Variants in USP15 observed in about 807,000 individuals in gnomAD.
The protein encoded by USP15 is ubiquitin carboxyl-terminal hydrolase 15.
USP15 carries 18 observed loss-of-function variants against 127.1 expected under a neutral mutation model. The observed-to-expected ratio is 0.14, with a 90% CI of 0.10 to 0.21. The LOEUF (loss-of-function observed/expected upper bound fraction) is 0.21, where lower values mean the gene tolerates loss of function less well. Ranked by LOEUF, USP15 falls within the 10% of genes least tolerant of loss-of-function variation. USP15 has a pLI of 1.00. For synonymous variants in USP15, 364 were observed against 393.7 expected (o/e 0.92, Z 0.89); for missense variants, 805 against 1,159.9 (o/e 0.69, Z 4.44).
intron 11 of USP15, among the ~76,000 whole-genome samples, chr12:62,389,133 C>CA (rs1323864981): frequency 6.6e-6 from 1 of 151,842 alleles, no homozygotes; most frequent in African/African-American, 2.4e-5. Context: ...TGTCTCTAAA[C>CA]AACAAACAAA....
chr12:62,317,335 G>T (rs1243380774), intron 4 of USP15, among the ~76,000 whole-genome samples: 3 of 152,104 alleles, frequency 2.0e-5, no homozygotes, highest in African/African-American at 7.2e-5. Flanking sequence ...AAACAAGCAG[G>T]TATCTTCCTC....
chr12:62,358,488 G>A (rs1367631376), intron 8 of USP15, among the ~76,000 whole-genome samples: 1 of 152,158 alleles, frequency 6.6e-6, no homozygotes, highest in East Asian at 1.9e-4. Flanking sequence ...GCCAAGGCGA[G>A]TGGATCACCT....
In USP15 at chr12:62,271,227, A is replaced by C. The variant is rs188140974; in HGVS notation, c.89+10724A>C. On this transcript the variant is annotated intron_variant, in intron 1 of 21. Transcript: ENST00000280377. Reference sequence around the variant, plus strand: ...AAAAAATCGTCACATCATACCCTTTAAATAATGCTTTAAAACATTCAAAAT... The same window carrying C: ...AAAAAATCGTCACATCATACCCTTTCAATAATGCTTTAAAACATTCAAAAT... Among the ~76,000 whole-genome samples, 346 of 152,220 alleles carry C rather than the reference A, an allele frequency of 2.3e-3. 3 individuals are homozygous for C. The highest frequency in any genetic ancestry group is 1.4e-3 in the Non-Finnish European group (93 of 67,952).
intron 2 of USP15, among the ~76,000 whole-genome samples, chr12:62,300,221 G>A (rs2064267365): frequency 6.6e-6 from 1 of 151,962 alleles, no homozygotes; most frequent in East Asian, 1.9e-4. Flanking sequence ...TGAAACCAAG[G>A]TTGCAAAGAT....
chr12:62,377,709 AAAGT>A (rs1305036561), intron 8 of USP15, among the ~76,000 whole-genome samples: 1 of 152,000 alleles, frequency 6.6e-6, no homozygotes, highest in Non-Finnish European at 1.5e-5. Flanking sequence ...CCTGGACAAC[AAAGT>A]GAGATTCCAT....
Position 62,404,421 on chromosome 12 carries a change from A to G in USP15, c.*46A>G. 1 of 1,484,114 alleles carries G rather than the reference A, an allele frequency of 6.7e-7. No homozygotes were observed. The highest frequency in any genetic ancestry group is 9.0e-7 in the Non-Finnish European group (1 of 1,113,644). The allele number at this position is 1,484,114 out of a possible 1,614,324, so 91.9% of individuals were successfully genotyped here. A position where few individuals can be genotyped will look rare whatever the true frequency, so the allele number is the denominator to read the frequency against. On this transcript the variant is annotated 3_prime_UTR_variant, in exon 22 of 22. Coordinates refer to ENST00000280377, the MANE Select transcript of USP15 (RefSeq NM_001252078.2). ...AAAGAGACACTTTCCTGCTGGTGGT[A>G]TCTATGGAAATGATGAAGTTACCCA... is the stretch of plus-strand genomic sequence containing the variant.
intron 8 of USP15, among the ~76,000 whole-genome samples, chr12:62,379,283 C>T (rs2066918769): frequency 1.3e-5 from 2 of 150,394 alleles, no homozygotes; most frequent in African/African-American, 4.9e-5. Flanking sequence ...GGAGGAATGA[C>T]TAATTAAATA....
chr12:62,394,587 C>T (rs902960648), intron 19 of USP15, among the ~76,000 whole-genome samples: 3 of 152,098 alleles, frequency 2.0e-5, no homozygotes, highest in Non-Finnish European at 4.4e-5. Flanking sequence ...CAGTGGCTCA[C>T]GCCTGTAATC....
rs1706739498 is a variant in USP15 at position 62,393,044 on chromosome 12, T to C, written c.2421-9T>C. ...CTATCAAGTGTTAAATACTTCTGTTTATTCTTAGGTATTGTCCGAATTGTA... is the reference window on the plus strand; with the variant it reads ...CTATCAAGTGTTAAATACTTCTGTTCATTCTTAGGTATTGTCCGAATTGTA... On this transcript the variant is annotated splice_polypyrimidine_tract_variant and intron_variant, in intron 18 of 21. Transcript: ENST00000280377. 6.2e-7 allele frequency: 1 copy of C among 1,612,824 alleles called. No individual in the cohort carries two copies. Among genetic ancestry groups the C allele is most frequent in the Non-Finnish European group, 8.5e-7 (1 of 1,179,648 alleles).
At chr12:62,384,051 T>C (rs755912125) in intron 10 of USP15, 27 bp from the exon 11 acceptor site, 24 of 1,610,290 alleles carry the variant, frequency 1.5e-5, no homozygotes, top group Middle Eastern at 1.7e-4. Context: ...GATACCTCTT[T>C]CTAATTTGTG....
At chr12:62,271,692 A>T (rs541244906) in intron 1 of USP15, among the ~76,000 whole-genome samples, 1 of 151,580 alleles carries the variant, frequency 6.6e-6, no homozygotes, top group Non-Finnish European at 1.5e-5. Context: ...TATGCTTATC[A>T]CGCTTATATG....
intron 3 of USP15, among the ~76,000 whole-genome samples, chr12:62,303,906 T>C (rs1032119655): frequency 1.6e-4 from 25 of 152,290 alleles, no homozygotes; most frequent in Admixed American, 3.9e-4. Context: ...GCTAGCCTTA[T>C]AGATCTGTGA....
chr12:62,356,793 G>A (rs947104870), intron 8 of USP15, among the ~76,000 whole-genome samples: 1 of 151,976 alleles, frequency 6.6e-6, no homozygotes, highest in East Asian at 1.9e-4. Context: ...GAGGAAGAAA[G>A]CCAAAATGTA....
chr12:62,294,156 A>G lies in USP15; in HGVS notation c.90-23A>G, dbSNP rs1225255617. 4 of 1,607,856 alleles carry G rather than the reference A, an allele frequency of 2.5e-6. No homozygotes were observed. The East Asian group carries it at 8.9e-5, about 36-fold the overall frequency. Reference sequence around the variant, plus strand: ...TCCTGTATTTTCAGGTATTTTCCTTAACCAATTTCTTTTATTTTTTAGGTA... The same window carrying G: ...TCCTGTATTTTCAGGTATTTTCCTTGACCAATTTCTTTTATTTTTTAGGTA... On this transcript the variant is annotated intron_variant, in intron 1 of 21. Transcript: ENST00000280377.
intron 6 of USP15, among the ~76,000 whole-genome samples, chr12:62,338,667 C>T (rs2065555767): frequency 6.6e-6 from 1 of 151,984 alleles, no homozygotes; most frequent in South Asian, 2.1e-4. Context: ...GGAAGGGGTC[C>T]AGTTTCTGTT....
chr12:62,408,123 G>T lies in USP15; in HGVS notation c.*3748G>T, dbSNP rs1364404006. On this transcript the variant is annotated 3_prime_UTR_variant, in exon 22 of 22. Coordinates refer to ENST00000280377, the MANE Select transcript of USP15 (RefSeq NM_001252078.2). ...GTGAGTTTATCTTATAAAATAAGCC[G>T]GGAGACTGAAATGGAGTCTCCTTCA... 6.6e-6 allele frequency: 1 copy of T among 151,954 alleles called. No homozygotes were observed. Among genetic ancestry groups the T allele is most frequent in the Non-Finnish European group, 1.5e-5 (1 of 68,004 alleles). The allele number at this position is 151,954 out of a possible 1,614,324, so 9.4% of individuals were successfully genotyped here.
rs1321563314 is a variant in USP15, at chr12:62,415,154, A to C, written c.*10779A>C. 1 of 152,220 alleles carries C rather than the reference A, an allele frequency of 6.6e-6. No homozygotes were observed. Among genetic ancestry groups the C allele is most frequent in the African/African-American group, 2.4e-5 (1 of 41,446 alleles). 9.4% of individuals were successfully genotyped at this position (152,220 alleles called of 1,614,324 possible). A position where few individuals can be genotyped will look rare whatever the true frequency, so the allele number is the denominator to read the frequency against. On this transcript the variant is annotated 3_prime_UTR_variant, in exon 22 of 22. Transcript: ENST00000280377. ...GAGTCCAAAGGGTTGAGAACCAGGA[A>C]AACCAATGATAAAAGTTCCAGTCCA...
intron 1 of USP15, among the ~76,000 whole-genome samples, chr12:62,273,629 A>G (rs568029403): frequency 6.6e-6 from 1 of 152,230 alleles, no homozygotes; most frequent in African/African-American, 2.4e-5. Context: ...AATCATGAAA[A>G]CAAATTGAGA....
At chr12:62,286,551 C>CT (rs2063792299) in intron 1 of USP15, among the ~76,000 whole-genome samples, 11 of 152,144 alleles carry the variant, frequency 7.2e-5, no homozygotes, top group Admixed American at 5.9e-4. Flanking sequence ...ACCAAAAAGA[C>CT]ACTTACACTC....
Sources: gnomAD v4.1 joint callset for allele counts (sites outside exome capture counted in the v4.1 genomes callset) on GRCh38, gnomAD v4.1.1 for gene constraint, MANE v1.5 for transcripts, NCBI Gene and HGNC (gene_info 2026-07-23, HGNC 2026-07-21) for gene names.